Variants in PRPF40B observed in about 807,000 individuals in gnomAD.
PRPF40B encodes pre-mRNA-processing factor 40 homolog B.
In PRPF40B, 56 loss-of-function variants were observed where a neutral mutation model predicts 124.5. The observed-to-expected ratio is 0.45, with a 90% CI of 0.36 to 0.56. The LOEUF is 0.56. Ranked by LOEUF, PRPF40B falls within the 20% of genes least tolerant of loss-of-function variation. The pLI, the probability that PRPF40B is intolerant of heterozygous loss-of-function variation, is 0.00. For missense variants in PRPF40B, 1,053 were observed against 1,169.5 expected (o/e 0.90, Z 1.45); for synonymous variants, 443 against 426.4 (o/e 1.04, Z -0.48).
intron 18 of PRPF40B, 105 bp from the exon 19 acceptor site, chr12:49,641,803 C>A: frequency 1.1e-6 from 1 of 902,304 alleles, no homozygotes; most frequent in Non-Finnish European, 1.8e-6. Context: ...TGGATCTCTT[C>A]CAGAGGCAAG....
chr12:49,637,293 T>C, intron 16 of PRPF40B, 177 bp from the exon 17 acceptor site: 2 of 603,316 alleles, frequency 3.3e-6, no homozygotes, highest in East Asian at 5.5e-5. Flanking sequence ...TTACTTTCTC[T>C]CTTTTTGCAT....
chr12:49,625,357 C>T (rs1474330313), intron 1 of PRPF40B, among the ~76,000 whole-genome samples: 1 of 152,198 alleles, frequency 6.6e-6, no homozygotes, highest in East Asian at 1.9e-4. Context: ...GTTACTTAAT[C>T]TCTGAACCTC....
In PRPF40B at chr12:49,631,742, A is replaced by G. The variant is rs1008649925; in HGVS notation, c.229-118A>G. The G allele has an allele frequency of 8.0e-7, 1 of 1,253,958 alleles. No individual in the cohort carries two copies. The highest frequency in any genetic ancestry group is 1.5e-5 in the African/African-American group (1 of 67,568). 77.7% of individuals were successfully genotyped at this position (1,253,958 alleles called of 1,614,324 possible). A position where few individuals can be genotyped will look rare whatever the true frequency, so the allele number is the denominator to read the frequency against. The stretch of plus-strand genomic sequence containing the variant: ...CCAGAATCTGGGGATTGCCTGAGGA[A>G]GTGCCCAAGTGAGGGTCATGGCTCC... On this transcript the variant is annotated intron_variant, in intron 3 of 25. Coordinates refer to ENST00000548825, the MANE Select transcript of PRPF40B (RefSeq NM_001031698.3). This position sits in a 1 kb window ranked among gnomAD's most constrained non-coding sequence, Gnocchi z 4.3.
chr12:49,624,851 A>C (rs948733430), intron 1 of PRPF40B, among the ~76,000 whole-genome samples: 11 of 152,048 alleles, frequency 7.2e-5, no homozygotes, highest in African/African-American at 2.7e-4. Flanking sequence ...GTCTCAAAAA[A>C]AAAAAAAAAA....
chr12:49,637,147 A>G, intron 16 of PRPF40B: 1 of 574,656 alleles, frequency 1.7e-6, no homozygotes, highest in Non-Finnish European at 3.1e-6. Flanking sequence ...GGCACCCGAC[A>G]GGCAGAGTTT....
intron 2 of PRPF40B, 47 bp downstream of exon 2, chr12:49,630,672 C>T (rs1280350582): frequency 7.9e-6 from 6 of 755,700 alleles, no homozygotes; most frequent in Non-Finnish European, 1.2e-5. Flanking sequence ...AGCCTGCACC[C>T]CCAACTCCCC....
intron 12 of PRPF40B, chr12:49,634,893 G>T: frequency 1.5e-6 from 1 of 650,366 alleles, no homozygotes; most frequent in Non-Finnish European, 2.6e-6. Flanking sequence ...AAGGAAAAGG[G>T]CCCAGTATTT....
intron 16 of PRPF40B, chr12:49,637,126 T>C: frequency 1.7e-6 from 1 of 584,544 alleles, no homozygotes; most frequent in Non-Finnish European, 3.0e-6. Flanking sequence ...CATGTTTATT[T>C]CCCTTGGTGG....
intron 1 of PRPF40B, among the ~76,000 whole-genome samples, chr12:49,626,653 C>A (rs1363045227): frequency 6.6e-6 from 1 of 152,042 alleles, no homozygotes; most frequent in Non-Finnish European, 1.5e-5. Context: ...TGTGGGGCGG[C>A]CTTCGTTGCA....
At chr12:49,627,613 T>G (rs944741686) in intron 1 of PRPF40B, among the ~76,000 whole-genome samples, 1 of 152,114 alleles carries the variant, frequency 6.6e-6, no homozygotes, top group African/African-American at 2.4e-5. Flanking sequence ...GCAAGGTAGC[T>G]GGGTAGCAGA....
intron 1 of PRPF40B, among the ~76,000 whole-genome samples, chr12:49,628,250 T>TTTG (rs770500504): frequency 3.3e-5 from 5 of 151,940 alleles, no homozygotes; most frequent in Admixed American, 6.6e-5. Context: ...TGAAGGACAG[T>TTTG]TTGTTGTTGT....
At chr12:49,624,571 C>T (rs1022009562) in intron 1 of PRPF40B, among the ~76,000 whole-genome samples, 8 of 152,154 alleles carry the variant, frequency 5.3e-5, no homozygotes, top group South Asian at 2.1e-4. Flanking sequence ...CAACAGGGGC[C>T]GGGCGCGGTG....
intron 1 of PRPF40B, among the ~76,000 whole-genome samples, chr12:49,624,621 G>T (rs921526403): frequency 3.9e-5 from 6 of 152,132 alleles, no homozygotes; most frequent in Non-Finnish European, 8.8e-5. Flanking sequence ...AGGCCGAGGC[G>T]GGCGAATCAC....
At chr12:49,630,500 C>A in intron 1 of PRPF40B, 45 bp from the exon 2 acceptor site, 1 of 815,142 alleles carries the variant, frequency 1.2e-6, no homozygotes, top group Non-Finnish European at 2.1e-6. Context: ...AAAAGCCCAT[C>A]TCTGTGCCCA....
At position 49,633,512 on chromosome 12, in the gene PRPF40B, G is replaced by A. The variant is rs559532750; in HGVS notation, c.545G>A (p.Arg182His). 7 of 1,614,170 alleles carry A rather than the reference G, an allele frequency of 4.3e-6. No homozygotes were observed. Among genetic ancestry groups the A allele is most frequent in the East Asian group, 4.5e-5 (2 of 44,878 alleles). Residue 182 changes from arginine to histidine, a missense_variant, in exon 8 of 26, where the codon CGC (arginine) becomes CAC (histidine). Transcript: ENST00000548825. ...YYYNNQSKESRWTRPKDLDDL... is the reference protein window; with the variant it reads ...YYYNNQSKESHWTRPKDLDDL... ...TATAACAACCAGAGTAAAGAGTCCC[G>A]CTGGACCCGGCCCAAGGATCTGGAT...
Position 49,631,463 on chromosome 12 carries a change from A to C in PRPF40B, c.147A>C (p.Arg49Ser). Residue 49 changes from arginine (R) to serine (S), a missense_variant, in exon 3 of 26, where the codon AGA becomes AGC. Arg to Ser is a moderately radical substitution (Grantham distance 110). Coordinates refer to ENST00000548825, the MANE Select transcript of PRPF40B (RefSeq NM_001031698.3). The surrounding 1 kb of genome is among the most constrained non-coding windows in gnomAD (Gnocchi z 4.3). ...PPMGLPPMSQ[R>S]PPAIPPMPPG... ...TGGGGCTACCCCCCATGAGTCAGAG[A>C]CCACCAGCTATCCCCCCCATGCCAC... The C allele has an allele frequency of 6.7e-7, 1 of 1,492,134 alleles. No individual in the cohort carries two copies. The allele number at this position is 1,492,134 out of a possible 1,614,324, so 92.4% of individuals were successfully genotyped here.
At chr12:49,637,033 G>T (rs1849810323) in intron 16 of PRPF40B, 184 bp downstream of exon 16, 3 of 898,000 alleles carry the variant, frequency 3.3e-6, no homozygotes, top group Non-Finnish European at 5.0e-6. Flanking sequence ...TCTGGACTGT[G>T]CTCTTCTAGG....
At position 49,633,081 on chromosome 12, in the gene PRPF40B, A is replaced by C. The variant is rs535648026; in HGVS notation, c.416A>C (p.Gln139Pro). 5 of 1,599,710 alleles carry C rather than the reference A, an allele frequency of 3.1e-6. No homozygotes were observed. The highest frequency in any genetic ancestry group is 2.2e-5 in the South Asian group (2 of 89,754). ...RIYYYNADDK[Q>P]SVWEKPSVLK... ...TACTACTACAATGCTGACGACAAGC[A>C]GTCCGTGTGGGAGAAGCCCAGCGTG... is the stretch of plus-strand genomic sequence containing the variant. Residue 139 changes from glutamine (Q) to proline (P), a missense_variant, in exon 7 of 26, where the codon CAG becomes CCG. Coordinates refer to ENST00000548825, the MANE Select transcript of PRPF40B (RefSeq NM_001031698.3).
At chr12:49,632,909 G>A in intron 6 of PRPF40B, 29 bp downstream of exon 6, 2 of 1,613,582 alleles carry the variant, frequency 1.2e-6, no homozygotes, top group East Asian at 4.5e-5. Flanking sequence ...GGGGTCTCTG[G>A]GTAGAAAGCC....
Sources: allele counts gnomAD v4.1 joint callset (sites outside exome capture counted in the v4.1 genomes callset), GRCh38; gene constraint gnomAD v4.1.1; non-coding constraint Gnocchi (gnomAD v3.1); transcripts MANE v1.5; gene names NCBI Gene and HGNC (gene_info 2026-07-23, HGNC 2026-07-21).